CDYL2: variants seen among roughly 807,000 people sequenced by gnomAD.
CDYL2 encodes chromodomain Y-like protein 2.
In CDYL2, 23 loss-of-function variants were observed where a neutral mutation model predicts 49.4. That is an observed-to-expected ratio of 0.47 (90% CI 0.34 to 0.66). The LOEUF (loss-of-function observed/expected upper bound fraction) is 0.66, where lower values mean the gene tolerates loss of function less well. Ranked by LOEUF, CDYL2 falls within the 30% of genes least tolerant of loss-of-function variation. The probability of loss-of-function intolerance (pLI) is 0.01; values close to 1 mark genes in which losing one functional copy is unlikely to be tolerated. For missense variants in CDYL2, 678 were observed against 656.4 expected, an observed-to-expected ratio of 1.03 and a Z score of -0.36; for synonymous variants, 360 against 268.8, an observed-to-expected ratio of 1.34 and a Z score of -3.32.
chr16:80,795,215 T>C (rs773914398), intron 1 of CDYL2, among the ~76,000 whole-genome samples: 1 of 152,128 alleles, frequency 6.6e-6, no homozygotes, highest in Admixed American at 6.5e-5. Context: ...AGTATGGCAA[T>C]GTGTAGCCCA....
At position 80,633,335 on chromosome 16, in the gene CDYL2, A is replaced by G. The variant is rs554810919; in HGVS notation, c.617-99T>C. 38 of 1,228,348 alleles carry G rather than the reference A, an allele frequency of 3.1e-5. No individual in the cohort carries two copies. In the South Asian group the frequency reaches 4.8e-4, roughly 16 times the overall value. The allele number at this position is 1,228,348 out of a possible 1,614,324, so 76.1% of individuals were successfully genotyped here. A position where few individuals can be genotyped will look rare whatever the true frequency, so the allele number is the denominator to read the frequency against. On this transcript the variant is annotated intron_variant, in intron 2 of 6. Coordinates refer to ENST00000570137, the MANE Select transcript of CDYL2 (RefSeq NM_152342.4). ...TGGGATTTCCAATGGAAAGGTTTGG[A>G]TGTGCTGGGACACACCACCTTCTCC...
intron 2 of CDYL2, among the ~76,000 whole-genome samples, chr16:80,650,789 TA>T (rs1312435234): frequency 1.3e-5 from 2 of 151,906 alleles, no homozygotes; most frequent in East Asian, 1.9e-4. Flanking sequence ...TACTCAGCCA[TA>T]AAAAAATGAA....
In CDYL2 at chr16:80,612,971, T is replaced by C. The variant is rs113676790; in HGVS notation, c.1008-135A>G. ...TTAGAGGTGCCAGGCAAGGGCCTCA[T>C]TGCCTGGACATGGAACCACCAGCTG... On this transcript the variant is annotated intron_variant, in intron 4 of 6. Coordinates refer to ENST00000570137, the MANE Select transcript of CDYL2 (RefSeq NM_152342.4). This position sits in a 1 kb window ranked among gnomAD's most constrained non-coding sequence, Gnocchi z 5.0. 4.9e-4 allele frequency: 349 copies of C among 705,358 alleles called. 1 individual carries two copies. The highest frequency in any genetic ancestry group is 3.9e-3 in the African/African-American group (215 of 55,424). The allele number at this position is 705,358 out of a possible 1,614,324, so 43.7% of individuals were successfully genotyped here.
At chr16:80,744,714 A>C (rs903027710) in intron 1 of CDYL2, among the ~76,000 whole-genome samples, 1 of 152,208 alleles carries the variant, frequency 6.6e-6, no homozygotes, top group African/African-American at 2.4e-5. Context: ...CACCAAACTA[A>C]GGTTTTAGTG....
chr16:80,729,826 C>G (rs1249309244), intron 1 of CDYL2, among the ~76,000 whole-genome samples: 2 of 152,124 alleles, frequency 1.3e-5, no homozygotes, highest in African/African-American at 4.8e-5. Flanking sequence ...TACATGGAAA[C>G]TGAACAACCT....
intron 1 of CDYL2, among the ~76,000 whole-genome samples, chr16:80,755,650 A>G (rs944245883): frequency 6.6e-6 from 1 of 152,250 alleles, no homozygotes; most frequent in African/African-American, 2.4e-5. Flanking sequence ...GAGATAGAGA[A>G]AAATACAAAA....
chr16:80,678,097 T>C (rs1025700684), intron 2 of CDYL2, among the ~76,000 whole-genome samples: 6 of 152,120 alleles, frequency 3.9e-5, no homozygotes, highest in Non-Finnish European at 8.8e-5. Context: ...TTACACCTTA[T>C]ACAAAAATCA....
chr16:80,804,263 G>A lies in CDYL2; in HGVS notation c.-90C>T, dbSNP rs1908029555. The A allele has an allele frequency of 6.9e-6, 8 of 1,153,898 alleles. No individual in the cohort carries two copies. The highest frequency in any genetic ancestry group is 9.2e-6 in the Non-Finnish European group (8 of 873,380). 71.5% of individuals were successfully genotyped at this position (1,153,898 alleles called of 1,614,324 possible). A position where few individuals can be genotyped will look rare whatever the true frequency, so the allele number is the denominator to read the frequency against. ...CGCGCGGGGTCCGGTGTGCGCGTGT[G>A]TGTGCGCGCGTGTGTGTGCGAGTGT... On this transcript the variant is annotated 5_prime_UTR_variant, in exon 1 of 7. Coordinates refer to ENST00000570137, the MANE Select transcript of CDYL2 (RefSeq NM_152342.4).
intron 1 of CDYL2, among the ~76,000 whole-genome samples, chr16:80,728,138 G>A (rs984289156): frequency 2.0e-5 from 3 of 152,076 alleles, no homozygotes; most frequent in South Asian, 4.1e-4. Context: ...GGCTTCAGAC[G>A]ATCAAACTAC....
chr16:80,723,755 A>G (rs1411632313), intron 1 of CDYL2, among the ~76,000 whole-genome samples: 1 of 152,228 alleles, frequency 6.6e-6, no homozygotes, highest in East Asian at 1.9e-4. Flanking sequence ...TAGTGGTGAC[A>G]GAGACCAAAT....
At chr16:80,721,936 G>A (rs971746273) in intron 1 of CDYL2, among the ~76,000 whole-genome samples, 3 of 152,150 alleles carry the variant, frequency 2.0e-5, no homozygotes, top group African/African-American at 7.2e-5. Flanking sequence ...CGACGAAGAG[G>A]TCCTAGCCAC....
chr16:80,700,702 A>G (rs954843299), intron 1 of CDYL2, among the ~76,000 whole-genome samples: 9 of 152,228 alleles, frequency 5.9e-5, no homozygotes, highest in Non-Finnish European at 1.0e-4. Flanking sequence ...GCATATGTAA[A>G]TGGATATACC....
chr16:80,683,078 A>T (rs886275047), intron 2 of CDYL2, among the ~76,000 whole-genome samples: 3 of 152,190 alleles, frequency 2.0e-5, no homozygotes, highest in African/African-American at 4.8e-5. Context: ...CTGGACTCCA[A>T]ATCTACCATC....
chr16:80,792,606 G>GGT (rs1405409046), intron 1 of CDYL2, among the ~76,000 whole-genome samples: 2 of 152,268 alleles, frequency 1.3e-5, no homozygotes, highest in Admixed American at 6.5e-5. Flanking sequence ...CAAGGTGACA[G>GGT]GTGTGTTCTG....
At chr16:80,773,761 A>G (rs548069498) in intron 1 of CDYL2, among the ~76,000 whole-genome samples, 5 of 152,268 alleles carry the variant, frequency 3.3e-5, no homozygotes, top group Admixed American at 3.3e-4. Flanking sequence ...AACTCGTATG[A>G]CATACTTAAA....
intron 2 of CDYL2, among the ~76,000 whole-genome samples, chr16:80,668,753 G>C (rs1338443529): frequency 6.6e-6 from 1 of 151,818 alleles, no homozygotes; most frequent in African/African-American, 2.4e-5. Context: ...ACAAAAATTA[G>C]CCAGGCACGG....
At chr16:80,649,751 C>T (rs148415434) in intron 2 of CDYL2, among the ~76,000 whole-genome samples, 1 of 152,148 alleles carries the variant, frequency 6.6e-6, no homozygotes, top group East Asian at 1.9e-4. Flanking sequence ...CAGCACGGTA[C>T]TGGCATAAAA....
chr16:80,780,077 C>T (rs74030433), intron 1 of CDYL2, among the ~76,000 whole-genome samples: 2,054 of 152,068 alleles, frequency 0.014, 48 homozygotes, highest in African/African-American at 0.047. Flanking sequence ...AATCTAAGGA[C>T]CTGAAAACAA....
chr16:80,721,506 A>C (rs1367922984), intron 1 of CDYL2, among the ~76,000 whole-genome samples: 1 of 152,184 alleles, frequency 6.6e-6, no homozygotes, highest in Non-Finnish European at 1.5e-5. Flanking sequence ...ATGACTCTCC[A>C]AACTGCTTCT....
Sources: allele counts gnomAD v4.1 joint callset (sites outside exome capture counted in the v4.1 genomes callset), GRCh38; gene constraint gnomAD v4.1.1; non-coding constraint Gnocchi (gnomAD v3.1); transcripts MANE v1.5; gene names NCBI Gene and HGNC (gene_info 2026-07-23, HGNC 2026-07-21).